The following SLC35F1 variants were observed in gnomAD, a reference collection of about 807,000 sequenced individuals.
SLC35F1 encodes chromosome 6 open reading frame 169.
A neutral mutation model predicts 48.7 loss-of-function variants in SLC35F1; 14 were observed. That is an observed-to-expected ratio of 0.29 (90% CI 0.19 to 0.45). The LOEUF is 0.45. SLC35F1 is among the 20% of genes least tolerant of loss of function. SLC35F1 has a pLI of 1.00. For missense variants in SLC35F1, 404 were observed against 500.0 expected (o/e 0.81, Z 1.83); for synonymous variants, 190 against 202.2 (o/e 0.94, Z 0.51).
intron 2 of SLC35F1, among the ~76,000 whole-genome samples, chr6:118,179,447 C>CT (rs1774539444): frequency 6.6e-6 from 1 of 152,082 alleles, no homozygotes; most frequent in Non-Finnish European, 1.5e-5. Flanking sequence ...TTTCTTCTGC[C>CT]TTTTTGTTCT....
intron 1 of SLC35F1, among the ~76,000 whole-genome samples, chr6:118,028,118 A>T (rs1367030639): frequency 6.6e-6 from 1 of 152,156 alleles, no homozygotes; most frequent in Non-Finnish European, 1.5e-5. Context: ...TGCAAAATCC[A>T]AAATAGATAC....
chr6:118,063,728 G>C (rs1772575721), intron 1 of SLC35F1, among the ~76,000 whole-genome samples: 1 of 151,856 alleles, frequency 6.6e-6, no homozygotes, highest in Non-Finnish European at 1.5e-5. Flanking sequence ...CCAGGAGAAG[G>C]AATCACAGCC....
chr6:118,127,060 G>C (rs1250380933), intron 1 of SLC35F1, among the ~76,000 whole-genome samples: 1 of 150,606 alleles, frequency 6.6e-6, no homozygotes, highest in Non-Finnish European at 1.5e-5. Context: ...TCTTGTGCCA[G>C]TTTTCAAAGG....
intron 4 of SLC35F1, among the ~76,000 whole-genome samples, chr6:118,267,844 G>A (rs1775794386): frequency 6.6e-6 from 1 of 152,106 alleles, no homozygotes; most frequent in African/African-American, 2.4e-5. Flanking sequence ...CCCTGAGTCA[G>A]GGTGGTTTCC....
At chr6:118,255,433 A>G (rs1037935015) in intron 3 of SLC35F1, among the ~76,000 whole-genome samples, 2 of 152,170 alleles carry the variant, frequency 1.3e-5, no homozygotes, top group African/African-American at 4.8e-5. Context: ...GATGATCCTC[A>G]ACAAGGAGGA....
At position 117,995,360 on chromosome 6, in the gene SLC35F1, G is replaced by A. The variant is rs578217504; in HGVS notation, c.173+87461G>A. ...AATTCCACCCAGAGTTAAGTTCAAT[G>A]AGGTAGGGATGTTGTCTTGTATACC... On this transcript the variant is annotated intron_variant, in intron 1 of 7. Transcript: ENST00000360388. Among the ~76,000 whole-genome samples, 2 of 152,334 alleles carry A rather than the reference G, an allele frequency of 1.3e-5. 1 individual carries two copies. Among genetic ancestry groups the A allele is most frequent in the Admixed American group, 1.3e-4 (2 of 15,304 alleles).
At chr6:118,050,580 GAGAA>G (rs1449531528) in intron 1 of SLC35F1, among the ~76,000 whole-genome samples, 2 of 152,034 alleles carry the variant, frequency 1.3e-5, no homozygotes, top group African/African-American at 4.8e-5. Flanking sequence ...GCAAAAAGGA[GAGAA>G]AGAGAGTTTT....
rs142271244 is a variant in SLC35F1, at chr6:118,064,786, C to T, written c.174-89659C>T. Among the ~76,000 whole-genome samples the T allele has an allele frequency of 3.7e-3, 556 of 152,238 alleles. 2 individuals are homozygous for T. Among genetic ancestry groups the T allele is most frequent in the African/African-American group, 0.012 (488 of 41,542 alleles). ...ATTATGCCATATGTGTAATGGTTATCTGTGGTCATGCCTTTTCTCTCTCTC... is the reference window on the plus strand; with the variant it reads ...ATTATGCCATATGTGTAATGGTTATTTGTGGTCATGCCTTTTCTCTCTCTC... On this transcript the variant is annotated intron_variant, in intron 1 of 7. Coordinates refer to ENST00000360388, the MANE Select transcript of SLC35F1 (RefSeq NM_001029858.4).
intron 1 of SLC35F1, among the ~76,000 whole-genome samples, chr6:117,979,138 A>G (rs964023513): frequency 1.3e-5 from 2 of 152,224 alleles, no homozygotes; most frequent in African/African-American, 4.8e-5. Context: ...CTTTGTGGTC[A>G]GTTTAGATGG....
At chr6:117,999,091 C>G in intron 1 of SLC35F1, 1 of 1,544,542 alleles carries the variant, frequency 6.5e-7, no homozygotes, top group Non-Finnish European at 8.9e-7. Flanking sequence ...ACCCCAAGTT[C>G]CTGAGGAACA....
In SLC35F1 at chr6:118,001,786, C is replaced by T. The variant is rs56311328; in HGVS notation, c.173+93887C>T. On this transcript the variant is annotated intron_variant, in intron 1 of 7. Coordinates refer to ENST00000360388, the MANE Select transcript of SLC35F1 (RefSeq NM_001029858.4). ...ACAAACAACCCCATCAAAAAGTGGGCGAAGGATATGAACAGACGCTTCTCA... is the reference window on the plus strand; with the variant it reads ...ACAAACAACCCCATCAAAAAGTGGGTGAAGGATATGAACAGACGCTTCTCA... Among the ~76,000 whole-genome samples the T allele has an allele frequency of 1.5e-3, 223 of 152,032 alleles. 1 individual carries two copies. Among genetic ancestry groups the T allele is most frequent in the African/African-American group, 4.8e-3 (199 of 41,490 alleles).
intron 1 of SLC35F1, among the ~76,000 whole-genome samples, chr6:118,139,305 G>T (rs538189575): frequency 1.6e-4 from 24 of 152,044 alleles, no homozygotes; most frequent in Non-Finnish European, 2.8e-4. Flanking sequence ...GTAGAGATGG[G>T]GTTTCACCGT....
chr6:118,146,632 G>A (rs80232839), intron 1 of SLC35F1, among the ~76,000 whole-genome samples: 2,064 of 152,162 alleles, frequency 0.014, 38 homozygotes, highest in African/African-American at 0.046. Context: ...TTGACTACAT[G>A]GTTATTTTTA....
At chr6:118,003,317 G>T (rs151328413) in intron 1 of SLC35F1, among the ~76,000 whole-genome samples, 2 of 152,218 alleles carry the variant, frequency 1.3e-5, no homozygotes, top group African/African-American at 2.4e-5. Context: ...AAAGAGGATT[G>T]TTTATGAGAT....
chr6:118,172,588 T>C (rs1395850475), intron 2 of SLC35F1, among the ~76,000 whole-genome samples: 1 of 152,168 alleles, frequency 6.6e-6, no homozygotes, highest in Non-Finnish European at 1.5e-5. Context: ...TGTTCAAGAA[T>C]AGTCTCTACT....
intron 3 of SLC35F1, among the ~76,000 whole-genome samples, chr6:118,252,117 T>C (rs1273912480): frequency 6.6e-6 from 1 of 152,218 alleles, no homozygotes; most frequent in East Asian, 1.9e-4. Flanking sequence ...AGTTTGGATT[T>C]GCTCTTAGAA....
At chr6:118,196,710 G>A (rs146562347) in intron 2 of SLC35F1, among the ~76,000 whole-genome samples, 2,206 of 152,096 alleles carry the variant, frequency 0.015, 23 homozygotes, top group Non-Finnish European at 0.025. Flanking sequence ...GCCACAGAGT[G>A]AGACTCTGTC....
At chr6:118,220,588 G>A (rs1775133978) in intron 2 of SLC35F1, among the ~76,000 whole-genome samples, 1 of 152,156 alleles carries the variant, frequency 6.6e-6, no homozygotes, top group Non-Finnish European at 1.5e-5. Flanking sequence ...GTCTCTGAGA[G>A]GCTTTTAAAA....
At chr6:118,141,851 A>G (rs1773895265) in intron 1 of SLC35F1, among the ~76,000 whole-genome samples, 1 of 152,200 alleles carries the variant, frequency 6.6e-6, no homozygotes, top group South Asian at 2.1e-4. Flanking sequence ...TCCTCGTTTC[A>G]CTGGACTGGA....
Sources: gnomAD v4.1 joint callset for allele counts (sites outside exome capture counted in the v4.1 genomes callset) on GRCh38, gnomAD v4.1.1 for gene constraint, MANE v1.5 for transcripts, NCBI Gene and HGNC (gene_info 2026-07-23, HGNC 2026-07-21) for gene names.